The following PRKN variants were observed in gnomAD, a reference collection of about 807,000 sequenced individuals.
The protein encoded by PRKN is E3 ubiquitin-protein ligase parkin.
Under a neutral mutation model 59.5 loss-of-function variants are expected in PRKN, and 56 were observed. The ratio of observed to expected loss-of-function variants is 0.94; its 90% CI spans 0.76 to 1.18. PRKN has a LOEUF of 1.18. PRKN is among the 50% of genes most tolerant of loss of function. PRKN has a pLI of 0.00. For missense variants in PRKN, 657 were observed against 596.4 expected (o/e 1.10, Z -1.06); for synonymous variants, 250 against 222.1 (o/e 1.13, Z -1.12).
At chr6:161,886,156 A>G (rs1319359939) in intron 6 of PRKN, among the ~76,000 whole-genome samples, 2 of 152,216 alleles carry the variant, frequency 1.3e-5, no homozygotes, top group African/African-American at 4.8e-5. Flanking sequence ...TTCTATTCAC[A>G]TATCACATTA....
intron 1 of PRKN, among the ~76,000 whole-genome samples, chr6:162,513,469 G>GAAGAAAAGAAAAGAAAAGAAAAGAA (rs138108454): frequency 7.8e-6 from 1 of 128,176 alleles, no homozygotes; most frequent in African/African-American, 2.7e-5. Context: ...GTGAGATTCT[G>GAAGAAAAGAAAAGAAAAGAAAAGAA]AAGAAAAGAA....
intron 5 of PRKN, among the ~76,000 whole-genome samples, chr6:162,003,557 T>C (rs1014476063): frequency 3.3e-5 from 5 of 152,142 alleles, no homozygotes; most frequent in Admixed American, 2.6e-4. Context: ...CATGCTACAA[T>C]GGTGCTGCTG....
rs1780510537 is a variant in PRKN at position 161,562,933 on chromosome 6, C to T, written c.933+6422G>A. Among the ~76,000 whole-genome samples the T allele has an allele frequency of 6.6e-6, 1 of 152,210 alleles. No individual in the cohort carries two copies. The highest frequency in any genetic ancestry group is 1.5e-5 in the Non-Finnish European group (1 of 68,020). On this transcript the variant is annotated intron_variant, in intron 8 of 11. Coordinates refer to ENST00000366898, the MANE Select transcript of PRKN (RefSeq NM_004562.3). The surrounding 1 kb of genome is among the most constrained non-coding windows in gnomAD (Gnocchi z 4.3). ...CTAAACTCAGAACAAAACCCATATG[C>T]TTAACCCTGGTGTCCTTGGTCCAGG...
At chr6:162,027,674 T>G (rs1341241885) in intron 5 of PRKN, among the ~76,000 whole-genome samples, 1 of 152,164 alleles carries the variant, frequency 6.6e-6, no homozygotes, top group Non-Finnish European at 1.5e-5. Flanking sequence ...CTGTAAGTGA[T>G]TATACTCTGC....
intron 6 of PRKN, among the ~76,000 whole-genome samples, chr6:161,827,546 G>A (rs1431948564): frequency 2.5e-5 from 3 of 117,726 alleles, no homozygotes; most frequent in Non-Finnish European, 4.9e-5. Context: ...GTCTCAATCT[G>A]TCACCCAGGC....
intron 5 of PRKN, among the ~76,000 whole-genome samples, chr6:162,026,452 T>C (rs897971174): frequency 6.6e-6 from 1 of 152,234 alleles, no homozygotes; most frequent in Non-Finnish European, 1.5e-5. Context: ...TGAACACGTA[T>C]GTCCTGCAAT....
chr6:162,668,058 CTTATAA>C (rs571206198), intron 1 of PRKN, among the ~76,000 whole-genome samples: 3 of 152,206 alleles, frequency 2.0e-5, no homozygotes, highest in Non-Finnish European at 2.9e-5. Context: ...CTCAATTTAG[CTTATAA>C]TTATGTTGAT....
chr6:162,209,711 T>C (rs1251444543), intron 3 of PRKN, among the ~76,000 whole-genome samples: 1 of 152,170 alleles, frequency 6.6e-6, no homozygotes, highest in Non-Finnish European at 1.5e-5. Context: ...CCAACCCAAA[T>C]ATCCATCAAT....
chr6:162,229,253 C>T (rs1368178353), intron 3 of PRKN, among the ~76,000 whole-genome samples: 1 of 152,012 alleles, frequency 6.6e-6, no homozygotes, highest in African/African-American at 2.4e-5. Flanking sequence ...ACAAAAACAC[C>T]CCCAGTCACC....
At chr6:161,469,102 C>T (rs1313939687) in intron 9 of PRKN, among the ~76,000 whole-genome samples, 3 of 148,466 alleles carry the variant, frequency 2.0e-5, no homozygotes, top group African/African-American at 7.9e-5. Context: ...TGGTAGCATT[C>T]ATGGTTTGGT....
At chr6:162,103,390 AT>A (rs1780059116) in intron 4 of PRKN, among the ~76,000 whole-genome samples, 1 of 152,148 alleles carries the variant, frequency 6.6e-6, no homozygotes, top group African/African-American at 2.4e-5. Flanking sequence ...AAAAATCCCC[AT>A]CAATGTAATT....
intron 6 of PRKN, among the ~76,000 whole-genome samples, chr6:161,949,748 T>C (rs1022391637): frequency 6.6e-6 from 1 of 152,186 alleles, no homozygotes; most frequent in African/African-American, 2.4e-5. Flanking sequence ...CCACCTCCTC[T>C]GCATGGTAAC....
rs1187755598 is a variant in PRKN, at chr6:161,552,714, T to C, written c.934-3711A>G. ...GACACAGAACTTTACCAGGTCCGCC[T>C]GAAGCCCTCCATGTATCTATTCTCA... On this transcript the variant is annotated intron_variant, in intron 8 of 11. Transcript: ENST00000366898. This position sits in a 1 kb window ranked among gnomAD's most constrained non-coding sequence, Gnocchi z 4.9. Among the ~76,000 whole-genome samples the C allele has an allele frequency of 6.6e-6, 1 of 151,952 alleles. No homozygotes were observed. Among genetic ancestry groups the C allele is most frequent in the Non-Finnish European group, 1.5e-5 (1 of 67,984 alleles).
chr6:162,047,718 T>G (rs577867616), intron 5 of PRKN, among the ~76,000 whole-genome samples: 1 of 152,158 alleles, frequency 6.6e-6, no homozygotes, highest in Non-Finnish European at 1.5e-5. Context: ...AAGAAACTTT[T>G]TGGACATAAA....
At chr6:161,741,648 C>T (rs1314082938) in intron 7 of PRKN, among the ~76,000 whole-genome samples, 2 of 152,114 alleles carry the variant, frequency 1.3e-5, no homozygotes, top group Non-Finnish European at 2.9e-5. Flanking sequence ...AAACACACCA[C>T]GAGGGTTCAA....
intron 9 of PRKN, among the ~76,000 whole-genome samples, chr6:161,464,294 G>A (rs1258628269): frequency 6.6e-6 from 1 of 152,170 alleles, no homozygotes; most frequent in Admixed American, 6.5e-5. Context: ...AATTACAGGC[G>A]TGGGCCACCA....
intron 10 of PRKN, among the ~76,000 whole-genome samples, chr6:161,375,188 G>A (rs907203444): frequency 1.3e-5 from 2 of 152,186 alleles, no homozygotes; most frequent in Non-Finnish European, 2.9e-5. Flanking sequence ...CCCCGGGGGT[G>A]CTGAGGCTCC....
chr6:161,752,135 G>T (rs2128195093), intron 7 of PRKN, among the ~76,000 whole-genome samples: 1 of 152,344 alleles, frequency 6.6e-6, no homozygotes, highest in South Asian at 2.1e-4. Flanking sequence ...CTCTCAGGAG[G>T]CTGAGGTGGG....
At position 161,413,246 on chromosome 6, in the gene PRKN, C is replaced by T. The variant is rs911196971; in HGVS notation, c.1084-26369G>A. On this transcript the variant is annotated intron_variant, in intron 9 of 11. Coordinates refer to ENST00000366898, the MANE Select transcript of PRKN (RefSeq NM_004562.3). This position sits in a 1 kb window ranked among gnomAD's most constrained non-coding sequence, Gnocchi z 4.4. ...CTCCCGGACACTGGCCTCCAGGGCA[C>T]GGTCTGGAGGGTCTGTAAGACTCCC... 1.7e-4 allele frequency among the ~76,000 whole-genome samples: 26 copies of T among 152,250 alleles called. No individual in the cohort carries two copies. Among genetic ancestry groups the T allele is most frequent in the East Asian group, 1.4e-3 (7 of 5,180 alleles).
Sources: gnomAD v4.1 joint callset for allele counts (sites outside exome capture counted in the v4.1 genomes callset) on GRCh38, gnomAD v4.1.1 for gene constraint, Gnocchi (gnomAD v3.1) non-coding constraint, MANE v1.5 for transcripts, NCBI Gene and HGNC (gene_info 2026-07-23, HGNC 2026-07-21) for gene names.